Variants in EVA1A observed in about 807,000 individuals in gnomAD.
The protein encoded by EVA1A is eva-1 homolog A, regulator of programmed cell death.
Under a neutral mutation model 9.8 loss-of-function variants are expected in EVA1A, and 7 were observed. The ratio of observed to expected loss-of-function variants is 0.71; its 90% CI spans 0.41 to 1.34. The LOEUF is 1.34. Among genes scored for constraint, EVA1A ranks in the 40% most tolerant of loss-of-function variants. The pLI is 0.01. For synonymous variants in EVA1A, 90 were observed against 85.6 expected, an observed-to-expected ratio of 1.05 and a Z score of -0.28; for missense variants, 206 against 205.9, an observed-to-expected ratio of 1.00 and a Z score of 0.00.
intron 1 of EVA1A, chr2:75,524,190 G>A (rs1675333852): frequency 6.6e-6 from 1 of 152,096 alleles, no homozygotes; most frequent in Admixed American, 6.6e-5. Context: ...AAATTACCCA[G>A]TCACGGGTAT....
At chr2:75,554,590 C>T (rs975201394) in intron 1 of EVA1A, among the ~76,000 whole-genome samples, 7 of 152,200 alleles carry the variant, frequency 4.6e-5, no homozygotes, top group African/African-American at 7.2e-5. Context: ...GGATAAAGGG[C>T]TCAGAGTTTG....
intron 1 of EVA1A, among the ~76,000 whole-genome samples, chr2:75,538,574 A>C (rs1250947263): frequency 1.3e-5 from 2 of 152,190 alleles, no homozygotes; most frequent in Non-Finnish European, 2.9e-5. Context: ...CAATAGCCCA[A>C]AACTGGAAAT....
intron 1 of EVA1A, among the ~76,000 whole-genome samples, chr2:75,531,108 T>C (rs1675632876): frequency 6.6e-6 from 1 of 152,152 alleles, no homozygotes; most frequent in African/African-American, 2.4e-5. Flanking sequence ...ACACCAACAG[T>C]GACTAAGCTG....
chr2:75,550,972 A>C (rs1216046259), intron 1 of EVA1A, among the ~76,000 whole-genome samples: 3 of 152,084 alleles, frequency 2.0e-5, no homozygotes, highest in Non-Finnish European at 2.9e-5. Flanking sequence ...AAATACAAAA[A>C]ATTAGCCAGG....
chr2:75,546,356 T>C (rs971816760), intron 1 of EVA1A, among the ~76,000 whole-genome samples: 1 of 152,122 alleles, frequency 6.6e-6, no homozygotes, highest in Non-Finnish European at 1.5e-5. Flanking sequence ...CTTATTGTTA[T>C]ATGAACTAAT....
rs1308978685 is a variant in EVA1A, at chr2:75,532,247, T to C, written c.-191-9760A>G. 3.4e-4 allele frequency among the ~76,000 whole-genome samples: 51 copies of C among 150,768 alleles called. 1 individual carries two copies. The highest frequency in any genetic ancestry group is 3.4e-3 in the Admixed American group (51 of 15,140). On this transcript the variant is annotated intron_variant, in intron 1 of 3. Transcript: ENST00000393913. ...CAAAAACGATTGAAATAAAAAACAT[T>C]TTAAAATAAAGAAAGGACAGGACAC... is the stretch of plus-strand genomic sequence containing the variant.
intron 1 of EVA1A, among the ~76,000 whole-genome samples, chr2:75,559,345 G>A (rs1288575918): frequency 6.6e-6 from 1 of 152,196 alleles, no homozygotes; most frequent in Non-Finnish European, 1.5e-5. Flanking sequence ...ATTACTTTAA[G>A]CCCTAGCATC....
chr2:75,533,996 T>G (rs1168303343), intron 1 of EVA1A, among the ~76,000 whole-genome samples: 1 of 151,844 alleles, frequency 6.6e-6, no homozygotes, highest in African/African-American at 2.4e-5. Flanking sequence ...GTATTTTTAG[T>G]AGAGACGGGG....
chr2:75,555,281 G>C (rs1676663296), intron 1 of EVA1A, among the ~76,000 whole-genome samples: 2 of 80,070 alleles, frequency 2.5e-5, no homozygotes, highest in Non-Finnish European at 5.7e-5. Flanking sequence ...ATGTGAAACA[G>C]ACTTTAGCAT....
intron 1 of EVA1A, among the ~76,000 whole-genome samples, chr2:75,557,067 C>A (rs200891146): frequency 6.6e-6 from 1 of 152,174 alleles, no homozygotes; most frequent in East Asian, 1.9e-4. Context: ...TTTACACATG[C>A]CAGGTTAGGT....
chr2:75,552,974 G>A (rs1676575725), intron 1 of EVA1A, among the ~76,000 whole-genome samples: 2 of 152,220 alleles, frequency 1.3e-5, no homozygotes, highest in South Asian at 4.1e-4. Context: ...GTGAAATCCT[G>A]CAGTAGCTCC....
chr2:75,514,849 T>C (rs184872547), intron 3 of EVA1A, among the ~76,000 whole-genome samples: 47 of 152,304 alleles, frequency 3.1e-4, no homozygotes, highest in Non-Finnish European at 7.4e-5. Context: ...GGCTAGCGTA[T>C]GTGTTTTTAA....
At chr2:75,566,497 C>T (rs2104009093) in intron 1 of EVA1A, among the ~76,000 whole-genome samples, 1 of 152,200 alleles carries the variant, frequency 6.6e-6, no homozygotes, top group East Asian at 1.9e-4. Flanking sequence ...GCTAAGTTTC[C>T]ACATGTTCTC....
intron 3 of EVA1A, 42 bp downstream of exon 3, chr2:75,518,014 C>T (rs1310507854): frequency 3.1e-6 from 5 of 1,610,934 alleles, no homozygotes; most frequent in African/African-American, 1.3e-5. Flanking sequence ...TTGGACCCAG[C>T]CCCAGACCTC....
intron 3 of EVA1A, among the ~76,000 whole-genome samples, chr2:75,515,742 G>A (rs941227912): frequency 3.3e-5 from 5 of 152,094 alleles, no homozygotes; most frequent in Non-Finnish European, 5.9e-5. Context: ...ATGATCTTGA[G>A]AAGAAAGTCA....
At chr2:75,535,844 G>T (rs540035921) in intron 1 of EVA1A, among the ~76,000 whole-genome samples, 4 of 152,194 alleles carry the variant, frequency 2.6e-5, no homozygotes, top group African/African-American at 9.6e-5. Context: ...CACTATTCAG[G>T]TGATGGGTAC....
chr2:75,504,190 A>G (rs1674529635), intron 3 of EVA1A, among the ~76,000 whole-genome samples: 2 of 152,220 alleles, frequency 1.3e-5, no homozygotes, highest in Admixed American at 1.3e-4. Context: ...AGGTGGGCAG[A>G]TCATGAGGTC....
At chr2:75,504,938 A>T (rs1674561006) in intron 3 of EVA1A, among the ~76,000 whole-genome samples, 1 of 152,182 alleles carries the variant, frequency 6.6e-6, no homozygotes, top group Admixed American at 6.5e-5. Flanking sequence ...TGTTCTGCAC[A>T]CGTATCCCAG....
At chr2:75,493,904 G>A (rs7591332) in intron 3 of EVA1A, among the ~76,000 whole-genome samples, 5,168 of 152,316 alleles carry the variant, frequency 0.034, 147 homozygotes, top group Admixed American at 0.086. Flanking sequence ...CCTACTGTAC[G>A]CAAGCAGCCG....
Sources: gnomAD v4.1 joint callset for allele counts (sites outside exome capture counted in the v4.1 genomes callset) on GRCh38, gnomAD v4.1.1 for gene constraint, MANE v1.5 for transcripts, NCBI Gene and HGNC (gene_info 2026-07-23, HGNC 2026-07-21) for gene names.